Variants in FBXW7 observed in about 807,000 individuals in gnomAD.
FBXW7 encodes F-box/WD repeat-containing protein 7.
A neutral mutation model predicts 86.3 loss-of-function variants in FBXW7; 11 were observed. The observed-to-expected ratio is 0.13, with a 90% confidence interval of 0.08 to 0.21. The LOEUF is 0.21. Among genes scored for constraint, FBXW7 ranks in the 10% least tolerant of loss-of-function variants. FBXW7 has a pLI of 1.00. For missense variants in FBXW7, 488 were observed against 847.4 expected (o/e 0.58, Z 5.27); for synonymous variants, 313 against 297.9 (o/e 1.05, Z -0.52).
intron 2 of FBXW7, among the ~76,000 whole-genome samples, chr4:152,412,983 C>A (rs1023597381): frequency 7.2e-5 from 11 of 152,018 alleles, no homozygotes; most frequent in Admixed American, 5.3e-4. Context: ...TTCATTCTTA[C>A]ATTTTATCCT....
chr4:152,514,193 C>G (rs1230774005), intron 2 of FBXW7, among the ~76,000 whole-genome samples: 2 of 152,152 alleles, frequency 1.3e-5, no homozygotes, highest in East Asian at 3.8e-4. Context: ...TTGGACAATG[C>G]TGTCTCAGAA....
chr4:152,386,565 T>C (rs111714217), intron 4 of FBXW7, among the ~76,000 whole-genome samples: 36 of 152,230 alleles, frequency 2.4e-4, no homozygotes, highest in Non-Finnish European at 3.5e-4. Context: ...CCATCTATAA[T>C]AACTTTGGAA....
At chr4:152,418,956 T>C (rs1579148670) in intron 2 of FBXW7, among the ~76,000 whole-genome samples, 2 of 152,272 alleles carry the variant, frequency 1.3e-5, no homozygotes, top group East Asian at 3.9e-4. Context: ...TATAATTTTA[T>C]TTAAAATTCA....
At chr4:152,339,262 AC>A (rs1730469903) in intron 6 of FBXW7, among the ~76,000 whole-genome samples, 1 of 152,302 alleles carries the variant, frequency 6.6e-6, no homozygotes, top group South Asian at 2.1e-4. Context: ...CTTGAGTCTT[AC>A]ATTGTATCTT....
At chr4:152,410,856 T>C (rs1419941652) in intron 4 of FBXW7, among the ~76,000 whole-genome samples, 1 of 152,162 alleles carries the variant, frequency 6.6e-6, no homozygotes, top group Non-Finnish European at 1.5e-5. Flanking sequence ...GATAAATAAC[T>C]AGAACTAATT....
At chr4:152,351,582 T>C (rs1296630591) in intron 4 of FBXW7, among the ~76,000 whole-genome samples, 3 of 152,136 alleles carry the variant, frequency 2.0e-5, no homozygotes, top group African/African-American at 4.8e-5. Context: ...TTTCCGTGTA[T>C]ATAATTTATA....
chr4:152,511,033 G>A (rs1236085018), intron 2 of FBXW7, among the ~76,000 whole-genome samples: 7 of 151,126 alleles, frequency 4.6e-5, no homozygotes, highest in African/African-American at 1.5e-4. Context: ...CAAACACCAC[G>A]GTTAATTTTT....
intron 2 of FBXW7, among the ~76,000 whole-genome samples, chr4:152,532,464 TAC>T (rs1750108426): frequency 1.3e-5 from 2 of 152,256 alleles, no homozygotes; most frequent in African/African-American, 4.8e-5. Context: ...ATCATGTGTC[TAC>T]ACAAACACAA....
At chr4:152,328,629 A>G (rs1437092172) in intron 10 of FBXW7, 2 of 309,966 alleles carry the variant, frequency 6.5e-6, no homozygotes, top group African/African-American at 2.2e-5. Flanking sequence ...CAAACATATG[A>G]TATAAAACAT....
At chr4:152,437,044 A>G (rs1740445065) in intron 2 of FBXW7, among the ~76,000 whole-genome samples, 2 of 152,330 alleles carry the variant, frequency 1.3e-5, no homozygotes, top group Middle Eastern at 3.4e-3. Context: ...TTTTAGAAAT[A>G]CATTAGCTGT....
At chr4:152,477,334 C>T (rs530526452) in intron 2 of FBXW7, among the ~76,000 whole-genome samples, 2 of 152,110 alleles carry the variant, frequency 1.3e-5, no homozygotes, top group Non-Finnish European at 2.9e-5. Context: ...TAGCAGTCAT[C>T]GGACCTATCA....
intron 2 of FBXW7, among the ~76,000 whole-genome samples, chr4:152,524,166 G>A (rs1267075272): frequency 6.6e-6 from 1 of 152,174 alleles, no homozygotes; most frequent in Non-Finnish European, 1.5e-5. Flanking sequence ...CTCTATAAGG[G>A]AAACAGGTAC....
At chr4:152,493,390 C>T (rs1746041308) in intron 2 of FBXW7, among the ~76,000 whole-genome samples, 1 of 152,082 alleles carries the variant, frequency 6.6e-6, no homozygotes, top group Non-Finnish European at 1.5e-5. Flanking sequence ...GTCTCGAACT[C>T]CTGACCTCAG....
At chr4:152,457,991 ACTTT>A (rs1231187209) in intron 2 of FBXW7, among the ~76,000 whole-genome samples, 6 of 151,032 alleles carry the variant, frequency 4.0e-5, no homozygotes, top group Admixed American at 6.6e-5. Flanking sequence ...TTTACAATAT[ACTTT>A]CTTTGTTTTT....
chr4:152,398,059 C>G (rs571730299), intron 4 of FBXW7, among the ~76,000 whole-genome samples: 66 of 151,798 alleles, frequency 4.3e-4, no homozygotes, highest in Non-Finnish European at 8.7e-4. Context: ...AAAATGCTAG[C>G]TGCTTGTTAA....
intron 2 of FBXW7, among the ~76,000 whole-genome samples, chr4:152,533,189 C>CA (rs562488751): frequency 0.06 from 6,676 of 111,990 alleles, 198 homozygotes; most frequent in South Asian, 0.18. Flanking sequence ...GACTCTGTCT[C>CA]AAAAAAAAAA....
At chr4:152,323,272 A>AT in intron 13 of FBXW7, 123 bp from the exon 14 acceptor site, 1 of 1,157,212 alleles carries the variant, frequency 8.6e-7, no homozygotes, top group Non-Finnish European at 1.2e-6. Context: ...AATGATACAT[A>AT]TTTAGAAACC....
intron 2 of FBXW7, among the ~76,000 whole-genome samples, chr4:152,449,230 TCTATA>T (rs1279961505): frequency 1.3e-5 from 2 of 152,336 alleles, no homozygotes; most frequent in East Asian, 1.9e-4. Flanking sequence ...AAATTTTACT[TCTATA>T]CTATAGATTA....
At chr4:152,327,732 T>G (rs1729176667) in intron 11 of FBXW7, among the ~76,000 whole-genome samples, 1 of 152,000 alleles carries the variant, frequency 6.6e-6, no homozygotes, top group Non-Finnish European at 1.5e-5. Context: ...TAGAAAGCTG[T>G]GACAATAGTT....
Sources: gnomAD v4.1 joint callset for allele counts (sites outside exome capture counted in the v4.1 genomes callset) on GRCh38, gnomAD v4.1.1 for gene constraint, MANE v1.5 for transcripts, NCBI Gene and HGNC (gene_info 2026-07-23, HGNC 2026-07-21) for gene names.